Variants in SPSB1 observed in about 807,000 individuals in gnomAD.
SPSB1 encodes splA/ryanodine receptor domain and SOCS box containing 1, also known as SPRY domain-containing SOCS box protein 1.
In SPSB1, 8 loss-of-function variants were observed where a neutral mutation model predicts 21.2. The ratio of observed to expected loss-of-function variants is 0.38; its 90% CI spans 0.22 to 0.68. SPSB1 has a LOEUF of 0.68. Ranked by LOEUF, SPSB1 falls within the 30% of genes least tolerant of loss-of-function variation. The probability of loss-of-function intolerance (pLI) is 0.53; values close to 1 mark genes in which losing one functional copy is unlikely to be tolerated. For synonymous variants in SPSB1, 169 were observed against 161.7 expected (o/e 1.05, Z -0.34); for missense variants, 242 against 377.8 (o/e 0.64, Z 2.98).
At chr1:9,343,553 A>G (rs1640122791) in intron 1 of SPSB1, among the ~76,000 whole-genome samples, 1 of 152,228 alleles carries the variant, frequency 6.6e-6, no homozygotes, top group African/African-American at 2.4e-5. Flanking sequence ...TGCAACAATA[A>G]CAAGACAACA....
chr1:9,306,827 GAA>G (rs1299758047), intron 1 of SPSB1, among the ~76,000 whole-genome samples: 1 of 152,184 alleles, frequency 6.6e-6, no homozygotes, highest in Admixed American at 6.5e-5. Flanking sequence ...GCTAAGGAGA[GAA>G]AGTAAAGTCA....
In SPSB1 at chr1:9,345,506, G is replaced by T. The variant is rs796528181; in HGVS notation, c.-149-10237G>T. On this transcript the variant is annotated intron_variant, in intron 1 of 2. Transcript: ENST00000328089. The surrounding 1 kb of genome is among the most constrained non-coding windows in gnomAD (Gnocchi z 4.8). ...GTCTGGGTCACCTTTTGGGAAGGTT[G>T]CTGTGTGTCCCTGGGGTCCCTCAAG... is the stretch of plus-strand genomic sequence containing the variant. Among the ~76,000 whole-genome samples the T allele has an allele frequency of 1.4e-4, 22 of 152,324 alleles. No homozygotes were observed. Among genetic ancestry groups the T allele is most frequent in the African/African-American group, 4.1e-4 (17 of 41,568 alleles).
At position 9,305,614 on chromosome 1, in the gene SPSB1, G is replaced by T. The variant is rs9442568; in HGVS notation, c.-150+12543G>T. Among the ~76,000 whole-genome samples the T allele has an allele frequency of 0.025, 3,839 of 152,290 alleles. 59 individuals are homozygous for T. Among genetic ancestry groups the T allele is most frequent in the South Asian group, 0.045 (216 of 4,826 alleles). ...CTGGGGGTGGGGACTCCCCGTCACGGAACTAAACTGCCAGGTGTTCCGTTC... is the reference window on the plus strand; with the variant it reads ...CTGGGGGTGGGGACTCCCCGTCACGTAACTAAACTGCCAGGTGTTCCGTTC... On this transcript the variant is annotated intron_variant, in intron 1 of 2. Transcript: ENST00000328089. This position sits in a 1 kb window ranked among gnomAD's most constrained non-coding sequence, Gnocchi z 4.8.
rs571727060 is a variant in SPSB1, at chr1:9,365,341, T to C, written c.695-2107T>C. On this transcript the variant is annotated intron_variant, in intron 2 of 2. Transcript: ENST00000328089. ...TATGTTGCTCAGGCTGGTCTCAAAC[T>C]CCTGGGCTCAAGCAGTCTTCTGTCC... 2.6e-5 allele frequency among the ~76,000 whole-genome samples: 4 copies of C among 152,248 alleles called. No homozygotes were observed. In the East Asian group the frequency reaches 7.7e-4, roughly 29 times the overall value.
In SPSB1 at chr1:9,361,302, C is replaced by G. The variant is rs1640474619; in HGVS notation, c.694+4717C>G. Among the ~76,000 whole-genome samples the G allele has an allele frequency of 3.3e-5, 5 of 151,640 alleles. 1 individual carries two copies. The South Asian group carries it at 1.1e-3, about 32-fold the overall frequency. ...ACAGGCGTGAGCCACCATGCCCAGC[C>G]GGATCTGTTTTCTTGGTGGCAGACC... On this transcript the variant is annotated intron_variant, in intron 2 of 2. Transcript: ENST00000328089.
At chr1:9,357,140 G>GATGAGTGA (rs1362692389) in intron 2 of SPSB1, among the ~76,000 whole-genome samples, 33 of 108,178 alleles carry the variant, frequency 3.1e-4, no homozygotes, top group Non-Finnish European at 4.8e-4. Context: ...TGAGTGGATG[G>GATGAGTGA]ATGGATGGGT....
chr1:9,329,116 G>C (rs1400515816), intron 1 of SPSB1, among the ~76,000 whole-genome samples: 2 of 152,198 alleles, frequency 1.3e-5, no homozygotes, highest in African/African-American at 4.8e-5. Context: ...GGGTGGCGGG[G>C]ACAGCCTCCC....
intron 1 of SPSB1, among the ~76,000 whole-genome samples, chr1:9,342,810 G>A (rs999573502): frequency 5.3e-5 from 8 of 152,322 alleles, no homozygotes; most frequent in Admixed American, 3.9e-4. Context: ...TTTTCCTTTG[G>A]AGAACAGAAA....
In SPSB1 at chr1:9,293,611, C is replaced by T. The variant is rs2100453260; in HGVS notation, c.-150+540C>T. Among the ~76,000 whole-genome samples, 1 of 152,166 alleles carries T rather than the reference C, an allele frequency of 6.6e-6. No individual in the cohort carries two copies. The highest frequency in any genetic ancestry group is 2.4e-5 in the African/African-American group (1 of 41,536). ...CCTGCCGGGGACACCCGAGCGCCGC[C>T]CTCCCCGCCGCCCCGGAGCCGCCGC... On this transcript the variant is annotated intron_variant, in intron 1 of 2. Transcript: ENST00000328089. This position sits in a 1 kb window ranked among gnomAD's most constrained non-coding sequence, Gnocchi z 5.1.
chr1:9,299,283 G>T (rs1017462582), intron 1 of SPSB1, among the ~76,000 whole-genome samples: 1 of 152,206 alleles, frequency 6.6e-6, no homozygotes, highest in Non-Finnish European at 1.5e-5. Flanking sequence ...GGGTATATCA[G>T]CTCTCCAGCC....
chr1:9,298,711 A>G (rs1347594137), intron 1 of SPSB1, among the ~76,000 whole-genome samples: 1 of 152,178 alleles, frequency 6.6e-6, no homozygotes, highest in Non-Finnish European at 1.5e-5. Flanking sequence ...GGGCTTATGG[A>G]GGTCAGGTGA....
chr1:9,311,830 G>T (rs1052330152), intron 1 of SPSB1, among the ~76,000 whole-genome samples: 6 of 152,104 alleles, frequency 3.9e-5, no homozygotes, highest in African/African-American at 1.4e-4. Context: ...GCATCCCTGG[G>T]GGGTATGAAT....
Position 9,356,544 on chromosome 1 carries a change from G to A in SPSB1, c.653G>A (p.Gly218Asp). ...KLYPVVSAVW[G>D]HCEIRMRYLN... ...TATCCTGTAGTGAGTGCCGTCTGGGGCCACTGTGAGATCCGAATGCGCTAC... is the reference window on the plus strand; with the variant it reads ...TATCCTGTAGTGAGTGCCGTCTGGGACCACTGTGAGATCCGAATGCGCTAC... Residue 218 changes from glycine to aspartate, a missense_variant, in exon 2 of 3, where the codon GGC becomes GAC. By Grantham distance (94) the Gly-to-Asp change is moderately conservative. Transcript: ENST00000328089. The surrounding 1 kb of genome is among the most constrained non-coding windows in gnomAD (Gnocchi z 7.4). 1 of 1,604,004 alleles carries A rather than the reference G, an allele frequency of 6.2e-7. No homozygotes were observed. Among genetic ancestry groups the A allele is most frequent in the Non-Finnish European group, 8.5e-7 (1 of 1,172,014 alleles).
intron 1 of SPSB1, among the ~76,000 whole-genome samples, chr1:9,326,142 G>A (rs1378496562): frequency 6.6e-6 from 1 of 152,094 alleles, no homozygotes; most frequent in Non-Finnish European, 1.5e-5. Flanking sequence ...AATGTTCTTG[G>A]TGGGGCTGAA....
At position 9,367,522 on chromosome 1, in the gene SPSB1, A is replaced by T; in HGVS notation, c.769A>T (p.Ile257Phe). The T allele has an allele frequency of 6.2e-7, 1 of 1,613,022 alleles. No individual in the cohort carries two copies. The highest frequency in any genetic ancestry group is 8.5e-7 in the Non-Finnish European group (1 of 1,179,662). ...LALGRERLGEIHTLPLPASLK... is the reference protein window; with the variant it reads ...LALGRERLGEFHTLPLPASLK... ...CCTGGGGAGGGAGCGCCTGGGGGAG[A>T]TCCACACGCTGCCGCTGCCGGCTTC... Residue 257 changes from isoleucine (I) to phenylalanine (F), a missense_variant, in exon 3 of 3, where the codon ATC (isoleucine) becomes TTC (phenylalanine). Physicochemically the swap from Ile to Phe is conservative, Grantham distance 21. Transcript: ENST00000328089. This position sits in a 1 kb window ranked among gnomAD's most constrained non-coding sequence, Gnocchi z 5.9.
At chr1:9,331,865 G>A (rs1639926643) in intron 1 of SPSB1, among the ~76,000 whole-genome samples, 1 of 152,178 alleles carries the variant, frequency 6.6e-6, no homozygotes, top group African/African-American at 2.4e-5. Flanking sequence ...ATGGGAGGTT[G>A]AGCTTCTTTT....
At chr1:9,309,774 A>G (rs1335338542) in intron 1 of SPSB1, among the ~76,000 whole-genome samples, 4 of 152,144 alleles carry the variant, frequency 2.6e-5, no homozygotes, top group African/African-American at 9.6e-5. Context: ...CCCAGGAGGC[A>G]GAGTTTGCAG....
At chr1:9,295,133 A>G (rs1639195797) in intron 1 of SPSB1, among the ~76,000 whole-genome samples, 1 of 150,428 alleles carries the variant, frequency 6.6e-6, no homozygotes, top group African/African-American at 2.5e-5. Flanking sequence ...CATTTAAAGC[A>G]CTCCTGCTCT....
chr1:9,365,291 A>T (rs1164024212), intron 2 of SPSB1, among the ~76,000 whole-genome samples: 1 of 151,720 alleles, frequency 6.6e-6, no homozygotes, highest in Admixed American at 6.6e-5. Context: ...GCTGATTTTT[A>T]TTTTTTGTAG....
Sources: allele counts gnomAD v4.1 joint callset (sites outside exome capture counted in the v4.1 genomes callset), GRCh38; gene constraint gnomAD v4.1.1; non-coding constraint Gnocchi (gnomAD v3.1); transcripts MANE v1.5; gene names NCBI Gene and HGNC (gene_info 2026-07-23, HGNC 2026-07-21).